Variants in RALYL observed in about 807,000 individuals in gnomAD.
The protein encoded by RALYL is RALY RNA binding protein like, also known as RNA-binding Raly-like protein.
In RALYL, 29 loss-of-function variants were observed where a neutral mutation model predicts 35.1. The ratio of observed to expected loss-of-function variants is 0.83; its 90% CI spans 0.61 to 1.13. The LOEUF (loss-of-function observed/expected upper bound fraction) is 1.13, where lower values mean the gene tolerates loss of function less well. RALYL is among the 50% of genes most tolerant of loss of function. The pLI is 0.00. For synonymous variants in RALYL, 120 were observed against 127.6 expected, an observed-to-expected ratio of 0.94 and a Z score of 0.40; for missense variants, 359 against 360.4, an observed-to-expected ratio of 1.00 and a Z score of 0.03.
chr8:84,278,708 C>T (rs1835919609), intron 1 of RALYL, among the ~76,000 whole-genome samples: 1 of 152,192 alleles, frequency 6.6e-6, no homozygotes, highest in Non-Finnish European at 1.5e-5. Context: ...GCAAGAGTGG[C>T]TTTTACTTGT....
chr8:84,610,837 T>G lies in RALYL; in HGVS notation c.256+81260T>G, dbSNP rs1260598102. 2.0e-5 allele frequency among the ~76,000 whole-genome samples: 3 copies of G among 152,174 alleles called. No homozygotes were observed. The East Asian group carries it at 5.8e-4, about 29-fold the overall frequency. On this transcript the variant is annotated intron_variant, in intron 2 of 8. Transcript: ENST00000521268. ...GGCCACTCAGAGCTCCTTCAGTGGG[T>G]TCCTGTGCACTTCGACGTCTCTCCG...
At chr8:84,350,923 C>T (rs1380825963) in intron 1 of RALYL, among the ~76,000 whole-genome samples, 1 of 149,860 alleles carries the variant, frequency 6.7e-6, no homozygotes, top group Non-Finnish European at 1.5e-5. Context: ...AGGAAATAAA[C>T]CTGGGCACTA....
At chr8:84,587,352 TTGAG>T (rs1195932831) in intron 2 of RALYL, among the ~76,000 whole-genome samples, 1 of 152,206 alleles carries the variant, frequency 6.6e-6, no homozygotes, top group Non-Finnish European at 1.5e-5. Flanking sequence ...AATGATCATA[TTGAG>T]TTTCACATTG....
chr8:84,362,126 T>A (rs1420691471), intron 1 of RALYL, among the ~76,000 whole-genome samples: 2 of 152,204 alleles, frequency 1.3e-5, no homozygotes, highest in African/African-American at 2.4e-5. Context: ...CATTTATTCA[T>A]TCTTCATTCA....
intron 2 of RALYL, among the ~76,000 whole-genome samples, chr8:84,643,575 C>T (rs1826851542): frequency 6.6e-6 from 1 of 152,032 alleles, no homozygotes; most frequent in Non-Finnish European, 1.5e-5. Flanking sequence ...TATGCCCCAT[C>T]ATACAGAAAT....
intron 1 of RALYL, among the ~76,000 whole-genome samples, chr8:84,466,438 A>G (rs1253084399): frequency 6.7e-6 from 1 of 149,704 alleles, no homozygotes; most frequent in Admixed American, 6.7e-5. Context: ...TATATGCTGG[A>G]TTACATTTCT....
intron 1 of RALYL, among the ~76,000 whole-genome samples, chr8:84,270,404 C>A (rs899358879): frequency 2.0e-5 from 3 of 152,106 alleles, no homozygotes; most frequent in African/African-American, 7.2e-5. Context: ...GTTTAAGATG[C>A]ATTTGTAAAC....
chr8:84,652,234 C>A (rs1329947659), intron 2 of RALYL, among the ~76,000 whole-genome samples: 1 of 152,080 alleles, frequency 6.6e-6, no homozygotes, highest in Non-Finnish European at 1.5e-5. Context: ...TTAAATCAAT[C>A]AGTCTGATAC....
At chr8:84,425,859 C>T (rs1344899065) in intron 1 of RALYL, among the ~76,000 whole-genome samples, 1 of 147,880 alleles carries the variant, frequency 6.8e-6, no homozygotes, top group East Asian at 2.1e-4. Context: ...ATTGATAGAA[C>T]TTGAGGTGAG....
At chr8:84,783,145 A>G (rs1279456395) in intron 3 of RALYL, among the ~76,000 whole-genome samples, 1 of 104,450 alleles carries the variant, frequency 9.6e-6, no homozygotes, top group Admixed American at 8.5e-5. Context: ...AGCATGAAAG[A>G]AATTGAAATG....
intron 7 of RALYL, 86 bp downstream of exon 7, chr8:84,873,483 C>A (rs1840597627): frequency 4.0e-6 from 3 of 750,190 alleles, no homozygotes; most frequent in Non-Finnish European, 6.7e-6. Context: ...CAGGAAGACA[C>A]TGGCTGAGTT....
At chr8:84,691,560 C>T (rs1035083668) in intron 2 of RALYL, among the ~76,000 whole-genome samples, 1 of 151,946 alleles carries the variant, frequency 6.6e-6, no homozygotes, top group African/African-American at 2.4e-5. Flanking sequence ...AAGCACAGCC[C>T]CATTTAATTA....
intron 8 of RALYL, among the ~76,000 whole-genome samples, chr8:84,900,883 G>A (rs183068510): frequency 1.3e-5 from 2 of 152,276 alleles, no homozygotes; most frequent in East Asian, 3.9e-4. Context: ...TGTAGTAAGA[G>A]AGAGATTGAA....
intron 1 of RALYL, among the ~76,000 whole-genome samples, chr8:84,366,102 G>A (rs1166153705): frequency 6.6e-6 from 1 of 152,104 alleles, no homozygotes; most frequent in Non-Finnish European, 1.5e-5. Flanking sequence ...CTGTTGTCTG[G>A]TGCCAGAGAG....
At chr8:84,880,967 A>T (rs1842081696) in intron 7 of RALYL, among the ~76,000 whole-genome samples, 1 of 151,892 alleles carries the variant, frequency 6.6e-6, no homozygotes, top group Non-Finnish European at 1.5e-5. Flanking sequence ...AAAACCTATT[A>T]AATGGTTTTA....
chr8:84,253,792 A>G (rs1432634499), intron 1 of RALYL, among the ~76,000 whole-genome samples: 2 of 152,118 alleles, frequency 1.3e-5, no homozygotes, highest in Admixed American at 6.6e-5. Context: ...AATTTAAAAC[A>G]GTATTTCTTC....
At chr8:84,913,056 A>AT (rs750865176) in intron 8 of RALYL, among the ~76,000 whole-genome samples, 1 of 151,298 alleles carries the variant, frequency 6.6e-6, no homozygotes, top group Non-Finnish European at 1.5e-5. Context: ...AGATAGATAG[A>AT]TAGATAGATA....
chr8:84,552,361 T>A (rs1182289607), intron 2 of RALYL, among the ~76,000 whole-genome samples: 72 of 96,020 alleles, frequency 7.5e-4, no homozygotes, highest in African/African-American at 2.3e-3. Context: ...TATATATATT[T>A]TTTTTTTTTT....
chr8:84,235,798 C>T (rs1826409568), intron 1 of RALYL, among the ~76,000 whole-genome samples: 1 of 133,176 alleles, frequency 7.5e-6, no homozygotes, highest in Admixed American at 8.1e-5. Flanking sequence ...GACAGAGTCT[C>T]ATGCTGTTGC....
Sources: allele counts gnomAD v4.1 joint callset (sites outside exome capture counted in the v4.1 genomes callset), GRCh38; gene constraint gnomAD v4.1.1; transcripts MANE v1.5; gene names NCBI Gene and HGNC (gene_info 2026-07-23, HGNC 2026-07-21).